Variants in FMN1 observed in about 807,000 individuals in gnomAD.
The protein encoded by FMN1 is formin-1.
Under a neutral mutation model 132.4 loss-of-function variants are expected in FMN1, and 110 were observed. The observed-to-expected ratio is 0.83, with a 90% CI of 0.71 to 0.97. The LOEUF is 0.97. Among genes scored for constraint, FMN1 ranks in the 50% least tolerant of loss-of-function variants. The pLI is 0.00. For synonymous variants in FMN1, 722 were observed against 651.7 expected (o/e 1.11, Z -1.64); for missense variants, 1,792 against 1,705.3 (o/e 1.05, Z -0.90).
In FMN1 at chr15:33,040,472, TAGC is replaced by T. The variant is rs151315698; in HGVS notation, c.2161+24482_2161+24484del. ...CTTGATTCCAAGTACCTGTCAAACT[TAGC>T]AGAACCTAGTAGATGCTTAGTAAAT... On this transcript the variant is annotated intron_variant, in intron 6 of 20. Coordinates refer to ENST00000616417, the MANE Select transcript of FMN1 (RefSeq NM_001277313.2). 2.1e-3 allele frequency among the ~76,000 whole-genome samples: 325 copies of T among 152,332 alleles called. 1 individual carries two copies. Among genetic ancestry groups the T allele is most frequent in the African/African-American group, 7.5e-3 (313 of 41,572 alleles).
chr15:33,108,769 A>C (rs562264423), intron 4 of FMN1, among the ~76,000 whole-genome samples: 1 of 152,222 alleles, frequency 6.6e-6, no homozygotes, highest in East Asian at 1.9e-4. Flanking sequence ...GGTCACTTCA[A>C]AGAGACCTTC....
intron 5 of FMN1, chr15:33,067,810 C>A: frequency 6.2e-7 from 1 of 1,613,948 alleles, no homozygotes; most frequent in African/African-American, 1.3e-5. Context: ...TCGACTGAGC[C>A]ACTTCAAGTC....
chr15:33,120,701 G>C (rs1418156453), intron 4 of FMN1, among the ~76,000 whole-genome samples: 1 of 151,996 alleles, frequency 6.6e-6, no homozygotes, highest in Non-Finnish European at 1.5e-5. Flanking sequence ...TCTTTTAAGT[G>C]ACTACATACC....
intron 6 of FMN1, among the ~76,000 whole-genome samples, chr15:33,015,683 A>C (rs1175881806): frequency 6.7e-6 from 1 of 149,378 alleles, no homozygotes; most frequent in Non-Finnish European, 1.5e-5. Flanking sequence ...ACATTGTTGT[A>C]TTTTCAAGTA....
intron 17 of FMN1, among the ~76,000 whole-genome samples, chr15:32,827,307 A>C (rs778648861): frequency 4.6e-5 from 7 of 152,174 alleles, no homozygotes; most frequent in African/African-American, 1.2e-4. Flanking sequence ...TCTTGAGCAG[A>C]GTTTGTGGCG....
At chr15:32,823,964 C>A (rs1430113585) in intron 17 of FMN1, among the ~76,000 whole-genome samples, 1 of 152,184 alleles carries the variant, frequency 6.6e-6, no homozygotes, top group Non-Finnish European at 1.5e-5. Context: ...GAACAGTGTG[C>A]CCCTGCCAAA....
At chr15:32,832,378 G>C (rs2058522913) in intron 17 of FMN1, among the ~76,000 whole-genome samples, 1 of 152,182 alleles carries the variant, frequency 6.6e-6, no homozygotes, top group Non-Finnish European at 1.5e-5. Flanking sequence ...TTGCAAAGGA[G>C]CTATTGTTCC....
intron 19 of FMN1, among the ~76,000 whole-genome samples, chr15:32,787,608 T>C (rs2056923177): frequency 6.6e-6 from 1 of 152,156 alleles, no homozygotes. Flanking sequence ...TCCAGTGCTT[T>C]GGGAGGCTGA....
chr15:32,925,562 T>C (rs1314529135), intron 10 of FMN1, among the ~76,000 whole-genome samples: 2 of 152,184 alleles, frequency 1.3e-5, no homozygotes, highest in Admixed American at 1.3e-4. Context: ...TAGAAACTTC[T>C]AGATTAAAAT....
chr15:32,811,984 C>A (rs2057896979), intron 17 of FMN1, among the ~76,000 whole-genome samples: 1 of 151,506 alleles, frequency 6.6e-6, no homozygotes, highest in South Asian at 2.1e-4. Flanking sequence ...TCTAGTTGCC[C>A]CTTAAGTGAA....
intron 17 of FMN1, among the ~76,000 whole-genome samples, chr15:32,854,102 T>C (rs1260175908): frequency 6.6e-6 from 1 of 152,244 alleles, no homozygotes; most frequent in African/African-American, 2.4e-5. Context: ...TACCTATAAA[T>C]GAATATTAAT....
At chr15:32,949,962 T>TATATACAC (rs2061594849) in intron 9 of FMN1, among the ~76,000 whole-genome samples, 2 of 42,620 alleles carry the variant, frequency 4.7e-5, no homozygotes, top group Non-Finnish European at 8.2e-5. Context: ...TATATATATA[T>TATATACAC]ATACACACAT....
chr15:33,119,951 T>C (rs982641164), intron 4 of FMN1, among the ~76,000 whole-genome samples: 2 of 152,216 alleles, frequency 1.3e-5, no homozygotes, highest in African/African-American at 2.4e-5. Context: ...CAAAGCGTTT[T>C]GCAAACATGA....
intron 17 of FMN1, among the ~76,000 whole-genome samples, chr15:32,806,283 C>A (rs2057677949): frequency 6.6e-6 from 1 of 152,148 alleles, no homozygotes. Flanking sequence ...CCTGGCCCTA[C>A]CACTTACTAT....
chr15:32,977,248 G>C (rs1300215181), intron 7 of FMN1, among the ~76,000 whole-genome samples: 1 of 152,092 alleles, frequency 6.6e-6, no homozygotes, highest in African/African-American at 2.4e-5. Flanking sequence ...TAAGTAAATC[G>C]CCAATAAGAG....
At chr15:32,783,547 T>C (rs1567159710) in intron 19 of FMN1, among the ~76,000 whole-genome samples, 1 of 151,808 alleles carries the variant, frequency 6.6e-6, no homozygotes, top group Non-Finnish European at 1.5e-5. Context: ...ATCGAAACCA[T>C]CCTGGCTAAC....
chr15:33,084,157 A>C (rs747577145), intron 5 of FMN1, among the ~76,000 whole-genome samples: 2 of 152,222 alleles, frequency 1.3e-5, no homozygotes, highest in African/African-American at 2.4e-5. Flanking sequence ...TGCTCTGCCT[A>C]TGGAGTAGCT....
intron 17 of FMN1, among the ~76,000 whole-genome samples, chr15:32,831,684 T>C (rs1042140957): frequency 9.2e-5 from 14 of 151,526 alleles, no homozygotes; most frequent in Admixed American, 3.9e-4. Flanking sequence ...ACTATGAAGA[T>C]AATCTCTCAG....
chr15:33,099,032 T>A (rs576862583), intron 4 of FMN1, among the ~76,000 whole-genome samples: 2 of 152,152 alleles, frequency 1.3e-5, no homozygotes, highest in Admixed American at 1.3e-4. Flanking sequence ...TTTGGGAAGC[T>A]GAGGCTGGTG....
Sources: allele counts gnomAD v4.1 joint callset (sites outside exome capture counted in the v4.1 genomes callset), GRCh38; gene constraint gnomAD v4.1.1; transcripts MANE v1.5; gene names NCBI Gene and HGNC (gene_info 2026-07-23, HGNC 2026-07-21).